The following ASPRV1 variants were observed in gnomAD, a reference collection of about 807,000 sequenced individuals.
ASPRV1 encodes the protein aspartic peptidase retroviral like 1.
Under a neutral mutation model 11.0 loss-of-function variants are expected in ASPRV1, and 7 were observed. The observed-to-expected ratio is 0.64, with a 90% CI of 0.36 to 1.20. ASPRV1 has a LOEUF of 1.20. Ranked by LOEUF, ASPRV1 falls within the 50% of genes most tolerant of loss-of-function variation. ASPRV1 has a pLI of 0.02. For missense variants in ASPRV1, 299 were observed against 320.0 expected (o/e 0.93, Z 0.50); for synonymous variants, 136 against 138.4 (o/e 0.98, Z 0.12).
At chr2:70,042,097 G>GA in the ASPRV1 span, among the ~76,000 whole-genome samples, 232 of 148,510 alleles carry the variant, frequency 1.6e-3, 1 homozygote, top group African/African-American at 4.6e-3. Context: ...TATTCCTTCA[G>GA]AAAAAAAAAA....
chr2:69,957,771 C>T (rs1403364309), downstream of ASPRV1, among the ~76,000 whole-genome samples: 1 of 152,058 alleles, frequency 6.6e-6, no homozygotes, highest in African/African-American at 2.4e-5. Flanking sequence ...CATGGGTTCC[C>T]AAGCCTGCTG....
the ASPRV1 span, among the ~76,000 whole-genome samples, chr2:69,955,083 T>C: frequency 8.5e-5 from 13 of 152,224 alleles, no homozygotes; most frequent in African/African-American, 3.1e-4. Context: ...GCCAAGAGGC[T>C]TCCTTACCCG....
At chr2:70,000,599 G>A in the ASPRV1 span, 1 of 151,262 alleles carries the variant, frequency 6.6e-6, no homozygotes, top group African/African-American at 2.4e-5. Flanking sequence ...AGACCAGCCT[G>A]GCCAACACGG....
the ASPRV1 span, among the ~76,000 whole-genome samples, chr2:69,976,170 CG>C: frequency 2.6e-5 from 4 of 152,344 alleles, no homozygotes; most frequent in African/African-American, 9.6e-5. Flanking sequence ...CCCAACCCTC[CG>C]GCCACGTGGT....
the ASPRV1 span, among the ~76,000 whole-genome samples, chr2:69,984,030 G>A: frequency 5.3e-5 from 8 of 152,062 alleles, no homozygotes; most frequent in South Asian, 2.1e-4. Flanking sequence ...CTCTATGAAC[G>A]AGGAGGTTTT....
At chr2:69,934,362 C>T in the ASPRV1 span, among the ~76,000 whole-genome samples, 1 of 152,160 alleles carries the variant, frequency 6.6e-6, no homozygotes, top group East Asian at 1.9e-4. Flanking sequence ...TAGAATAAAG[C>T]ACAAACCATT....
At chr2:69,945,283 C>T in the ASPRV1 span, among the ~76,000 whole-genome samples, 29 of 152,316 alleles carry the variant, frequency 1.9e-4, no homozygotes, top group Non-Finnish European at 3.8e-4. Context: ...TCTGCACATG[C>T]ACCCCCTGAA....
At chr2:70,008,473 C>CCTCTGCTGCTCT in the ASPRV1 span, among the ~76,000 whole-genome samples, 4 of 152,044 alleles carry the variant, frequency 2.6e-5, no homozygotes, top group Admixed American at 2.6e-4. Flanking sequence ...GGTCTGGCAG[C>CCTCTGCTGCTCT]AGAGGCAGCC....
At chr2:70,068,347 G>A in the ASPRV1 span, among the ~76,000 whole-genome samples, 27 of 152,224 alleles carry the variant, frequency 1.8e-4, no homozygotes, top group Admixed American at 3.3e-4. Flanking sequence ...GAAGTGGTAA[G>A]GAGTGGGTTG....
chr2:70,027,730 TACAA>T, the ASPRV1 span, among the ~76,000 whole-genome samples: 1 of 152,188 alleles, frequency 6.6e-6, no homozygotes, highest in African/African-American at 2.4e-5. Context: ...GGTTAATGGT[TACAA>T]ACATATAGTT....
At chr2:69,950,320 C>A in the ASPRV1 span, among the ~76,000 whole-genome samples, 2,467 of 152,240 alleles carry the variant, frequency 0.016, 65 homozygotes, top group Admixed American at 0.065. Context: ...GTCCTTTTTG[C>A]CTTTGTCCTC....
At chr2:69,972,889 G>A in the ASPRV1 span, among the ~76,000 whole-genome samples, 85 of 151,944 alleles carry the variant, frequency 5.6e-4, no homozygotes, top group African/African-American at 2.0e-3. Context: ...CCCTTTTCAG[G>A]GACTCTGTGC....
the ASPRV1 span, among the ~76,000 whole-genome samples, chr2:70,009,118 T>C: frequency 1.3e-5 from 2 of 152,090 alleles, no homozygotes; most frequent in Admixed American, 1.3e-4. Context: ...TCCCTGCCAC[T>C]CACATGTGTA....
chr2:70,013,109 A>T, the ASPRV1 span, among the ~76,000 whole-genome samples: 1 of 152,246 alleles, frequency 6.6e-6, no homozygotes, highest in Non-Finnish European at 1.5e-5. Flanking sequence ...ATAGACTGAA[A>T]TGTGCCTACA....
the ASPRV1 span, among the ~76,000 whole-genome samples, chr2:70,079,884 G>C: frequency 6.6e-6 from 1 of 152,046 alleles, no homozygotes; most frequent in East Asian, 1.9e-4. Flanking sequence ...AATACAAAAA[G>C]CAAAAATCAA....
the ASPRV1 span, among the ~76,000 whole-genome samples, chr2:70,070,049 C>T: frequency 2.6e-5 from 4 of 151,940 alleles, no homozygotes; most frequent in South Asian, 4.1e-4. Context: ...CGTGGTGGCA[C>T]GCATCTGTAA....
the ASPRV1 span, among the ~76,000 whole-genome samples, chr2:69,968,077 G>C: frequency 2.0e-5 from 3 of 151,910 alleles, no homozygotes; most frequent in Admixed American, 2.0e-4. Flanking sequence ...GCAAGACTCT[G>C]TCTCAAAAAA....
chr2:70,016,582 C>T, the ASPRV1 span, among the ~76,000 whole-genome samples: 3 of 152,272 alleles, frequency 2.0e-5, no homozygotes, highest in East Asian at 3.9e-4. Flanking sequence ...AGGCCAGGCT[C>T]ATGTCTGTAA....
chr2:70,076,044 G>A, the ASPRV1 span, among the ~76,000 whole-genome samples: 3 of 152,082 alleles, frequency 2.0e-5, no homozygotes, highest in African/African-American at 7.2e-5. Context: ...TCCCTCAGCA[G>A]GAGAAGAATA....
Sources: gnomAD v4.1 joint callset for allele counts (sites outside exome capture counted in the v4.1 genomes callset) on GRCh38, gnomAD v4.1.1 for gene constraint, MANE v1.5 for transcripts, NCBI Gene and HGNC (gene_info 2026-07-23, HGNC 2026-07-21) for gene names.